The following MGST2 variants were observed in gnomAD, a reference collection of about 807,000 sequenced individuals.
MGST2 encodes glutathione peroxidase MGST2.
MGST2 carries 9 observed loss-of-function variants against 16.6 expected under a neutral mutation model. The ratio of observed to expected loss-of-function variants is 0.54; its 90% CI spans 0.33 to 0.95. MGST2 has a LOEUF of 0.95. Ranked by LOEUF, MGST2 falls within the 40% of genes least tolerant of loss-of-function variation. The pLI is 0.03. For synonymous variants in MGST2, 79 were observed against 68.0 expected (o/e 1.16, Z -0.79); for missense variants, 159 against 175.1 (o/e 0.91, Z 0.52).
chr4:139,702,292 A>G (rs1254510575), intron 3 of MGST2, among the ~76,000 whole-genome samples: 1 of 152,222 alleles, frequency 6.6e-6, no homozygotes, highest in Non-Finnish European at 1.5e-5. Flanking sequence ...ATCAAGATCT[A>G]GAACATGACA....
At chr4:139,703,388 G>T in intron 3 of MGST2, 67 bp from the exon 4 acceptor site, 1 of 1,293,620 alleles carries the variant, frequency 7.7e-7, no homozygotes, top group East Asian at 2.3e-5. Flanking sequence ...CTCAGTCGTC[G>T]TACAACATCT....
intron 2 of MGST2, among the ~76,000 whole-genome samples, chr4:139,691,564 TG>T (rs893062782): frequency 3.3e-5 from 5 of 152,050 alleles, no homozygotes; most frequent in Non-Finnish European, 5.9e-5. Flanking sequence ...GCAGGTAGAA[TG>T]GGATTCCAGG....
downstream of MGST2, among the ~76,000 whole-genome samples, chr4:139,741,655 G>T (rs1239044553): frequency 6.6e-6 from 1 of 152,170 alleles, no homozygotes; most frequent in Non-Finnish European, 1.5e-5. Flanking sequence ...GCTGAGGTGG[G>T]AGGATCGCTT....
At chr4:139,696,872 A>G (rs1052418948) in intron 3 of MGST2, among the ~76,000 whole-genome samples, 24 of 152,182 alleles carry the variant, frequency 1.6e-4, no homozygotes, top group African/African-American at 5.8e-4. Context: ...AGTACCTTGT[A>G]TCATGAGCCT....
At chr4:139,726,716 C>G (rs553528094) in intron 5 of MGST2, among the ~76,000 whole-genome samples, 13 of 152,310 alleles carry the variant, frequency 8.5e-5, no homozygotes, top group African/African-American at 3.1e-4. Flanking sequence ...TTTGAGGAAA[C>G]CATGTGGGAT....
intron 2 of MGST2, among the ~76,000 whole-genome samples, chr4:139,694,834 A>G (rs1013255116): frequency 4.3e-4 from 66 of 152,242 alleles, no homozygotes; most frequent in African/African-American, 1.5e-3. Flanking sequence ...GTGGAAGGCA[A>G]TGGATGTGAG....
chr4:139,682,314 T>C (rs1478928197), intron 2 of MGST2, among the ~76,000 whole-genome samples: 4 of 150,884 alleles, frequency 2.7e-5, no homozygotes, highest in Non-Finnish European at 4.4e-5. Flanking sequence ...GGGGGGTAAG[T>C]TGGGTGGTCT....
At chr4:139,709,469 G>A (rs867609204) in intron 5 of MGST2, among the ~76,000 whole-genome samples, 8 of 152,254 alleles carry the variant, frequency 5.3e-5, no homozygotes, top group Middle Eastern at 3.4e-3. Context: ...TAATTATATC[G>A]TGGCTAGAGA....
chr4:139,725,357 C>T (rs1208518460), intron 5 of MGST2, among the ~76,000 whole-genome samples: 2 of 152,188 alleles, frequency 1.3e-5, no homozygotes, highest in African/African-American at 4.8e-5. Flanking sequence ...ATTTTTGCCC[C>T]TGTAGTCACT....
chr4:139,721,573 G>A (rs1266041291), intron 5 of MGST2, among the ~76,000 whole-genome samples: 1 of 152,132 alleles, frequency 6.6e-6, no homozygotes, highest in Non-Finnish European at 1.5e-5. Context: ...TCTTCCTGAT[G>A]TGGCTATTGA....
chr4:139,736,231 GAT>G (rs1728940545), intron 5 of MGST2, among the ~76,000 whole-genome samples: 1 of 152,112 alleles, frequency 6.6e-6, no homozygotes, highest in Admixed American at 6.5e-5. Flanking sequence ...TATATCAAAA[GAT>G]AGCTACATCC....
intron 3 of MGST2, among the ~76,000 whole-genome samples, chr4:139,700,127 C>CTTTTTTTTTT (rs56662682): frequency 9.6e-5 from 8 of 82,974 alleles, no homozygotes; most frequent in Non-Finnish European, 1.7e-4. Context: ...TTTGGTTTTG[C>CTTTTTTTTTT]TTTTTTTTTT....
chr4:139,712,441 C>T (rs1024700516), intron 5 of MGST2, among the ~76,000 whole-genome samples: 3 of 152,156 alleles, frequency 2.0e-5, no homozygotes, highest in Admixed American at 6.5e-5. Context: ...TTACTAAAGA[C>T]GAATTATGGT....
At chr4:139,725,991 G>T (rs1193353147) in intron 5 of MGST2, among the ~76,000 whole-genome samples, 1 of 152,192 alleles carries the variant, frequency 6.6e-6, no homozygotes, top group East Asian at 1.9e-4. Flanking sequence ...AAAGTCTAAG[G>T]ATAGAGTCAG....
chr4:139,713,016 A>G (rs1048556563), intron 5 of MGST2, among the ~76,000 whole-genome samples: 2 of 152,246 alleles, frequency 1.3e-5, no homozygotes, highest in Non-Finnish European at 2.9e-5. Context: ...TCACAGCAGT[A>G]TGCTTTACTC....
intron 5 of MGST2, among the ~76,000 whole-genome samples, chr4:139,729,319 AG>A (rs1412825327): frequency 6.6e-6 from 1 of 152,100 alleles, no homozygotes; most frequent in Non-Finnish European, 1.5e-5. Context: ...GTGGATGCTT[AG>A]TAAATTTGCA....
chr4:139,738,838 G>C (rs112443202), intron 5 of MGST2, among the ~76,000 whole-genome samples: 3 of 152,210 alleles, frequency 2.0e-5, no homozygotes, highest in African/African-American at 4.8e-5. Flanking sequence ...TTTCCTCCTA[G>C]TTTTATCCCA....
At chr4:139,695,493 A>G (rs555847558) in intron 3 of MGST2, among the ~76,000 whole-genome samples, 1 of 152,254 alleles carries the variant, frequency 6.6e-6, no homozygotes, top group East Asian at 1.9e-4. Context: ...GTGGTGGCGC[A>G]TGCCTGTAAT....
At chr4:139,742,111 TCATCCTCTCTACAGATCTTAA>T (rs1299764324), downstream of MGST2, among the ~76,000 whole-genome samples, 3 of 151,346 alleles carry the variant, frequency 2.0e-5, no homozygotes, top group Non-Finnish European at 4.4e-5. Context: ...CAATGAGAAA[TCATCCTCTCTACAGATCTTAA>T]ACTTTTCTTT....
Sources: allele counts gnomAD v4.1 joint callset (sites outside exome capture counted in the v4.1 genomes callset), GRCh38; gene constraint gnomAD v4.1.1; transcripts MANE v1.5; gene names NCBI Gene and HGNC (gene_info 2026-07-23, HGNC 2026-07-21).